Variants in GPC3 observed in about 807,000 individuals in gnomAD.
GPC3 encodes the protein glypican 3, also known as glypican-3.
GPC3 carries 3 observed loss-of-function variants against 34.4 expected under a neutral mutation model. That is an observed-to-expected ratio of 0.09 (90% CI 0.04 to 0.23). GPC3 has a LOEUF of 0.23. Ranked by LOEUF, GPC3 falls within the 10% of genes least tolerant of loss-of-function variation. GPC3 has a pLI of 1.00. For missense variants in GPC3, 351 were observed against 445.6 expected (o/e 0.79, Z 1.91); for synonymous variants, 177 against 174.0 (o/e 1.02, Z -0.13).
At chrX:133,775,499 C>T (rs2071969725) in intron 2 of GPC3, among the ~76,000 whole-genome samples, 1 of 111,813 alleles carries the variant, frequency 8.9e-6, no homozygotes, top group African/African-American at 3.3e-5. Flanking sequence ...ATAGCCTGGC[C>T]ATCTTACTAA....
intron 2 of GPC3, among the ~76,000 whole-genome samples, chrX:133,900,099 G>A (rs945011464): frequency 8.9e-6 from 1 of 111,933 alleles, no homozygotes; most frequent in Admixed American, 9.5e-5. Context: ...CACCGCGCCC[G>A]GCCGGTCTAA....
chrX:133,606,058 T>A (rs1265950757), intron 6 of GPC3, among the ~76,000 whole-genome samples: 17 of 112,308 alleles, frequency 1.5e-4, no homozygotes, highest in Non-Finnish European at 1.9e-5. Flanking sequence ...ATTCTTACTT[T>A]ATGGTTTGTG....
intron 2 of GPC3, among the ~76,000 whole-genome samples, chrX:133,941,210 C>T (rs2076343885): frequency 8.9e-6 from 1 of 112,293 alleles, no homozygotes; most frequent in Non-Finnish European, 1.9e-5. Flanking sequence ...AACACACATA[C>T]TACATCAAAG....
At chrX:133,782,653 T>C (rs1195746719) in intron 2 of GPC3, among the ~76,000 whole-genome samples, 1 of 111,939 alleles carries the variant, frequency 8.9e-6, no homozygotes, top group Non-Finnish European at 1.9e-5. Flanking sequence ...AGCAGTCTCT[T>C]TATATATGGC....
Position 133,699,197 on chromosome X carries a change from T to A in GPC3, c.1166+698A>T, listed in dbSNP as rs192416984. On this transcript the variant is annotated intron_variant, in intron 4 of 7. Transcript: ENST00000370818. ...GCGCCACTGCACTCCCCCCTCAAGG[T>A]CAATAGGAACAACTCATGTCTAGCT... Among the ~76,000 whole-genome samples the A allele has an allele frequency of 1.3e-4, 14 of 111,747 alleles. No homozygotes were observed. In the East Asian group the frequency reaches 2.5e-3, roughly 20 times the overall value.
chrX:133,928,879 C>T (rs2076286231), intron 2 of GPC3, among the ~76,000 whole-genome samples: 1 of 112,003 alleles, frequency 8.9e-6, no homozygotes, highest in South Asian at 3.7e-4. Flanking sequence ...CAACCATTTT[C>T]CCAATCTGTA....
intron 2 of GPC3, among the ~76,000 whole-genome samples, chrX:133,821,588 A>T (rs1466715924): frequency 1.8e-5 from 2 of 111,925 alleles, no homozygotes; most frequent in Non-Finnish European, 3.8e-5. Context: ...TCTACCACTT[A>T]CTAGGTGAGT....
chrX:133,981,408 A>G (rs2076538398), intron 1 of GPC3, among the ~76,000 whole-genome samples: 1 of 111,790 alleles, frequency 8.9e-6, no homozygotes, highest in African/African-American at 3.3e-5. Flanking sequence ...TGCCCCACCA[A>G]TCATCAGCCA....
chrX:133,732,144 G>T (rs1342227323), intron 3 of GPC3, among the ~76,000 whole-genome samples: 1 of 111,398 alleles, frequency 9.0e-6, no homozygotes, highest in Non-Finnish European at 1.9e-5. Context: ...GAAGACTGAT[G>T]TCCTGTACAA....
intron 3 of GPC3, among the ~76,000 whole-genome samples, chrX:133,714,699 GA>G (rs1303132025): frequency 8.9e-6 from 1 of 111,949 alleles, no homozygotes; most frequent in Non-Finnish European, 1.9e-5. Context: ...AAAGCAATGA[GA>G]AAATTGGCAA....
At chrX:133,545,562 G>A (rs370831673) in intron 7 of GPC3, among the ~76,000 whole-genome samples, 2 of 111,177 alleles carry the variant, frequency 1.8e-5, no homozygotes, top group South Asian at 7.8e-4. Context: ...GAGCTAATGT[G>A]GATTCTCTGA....
At chrX:133,686,166 A>C in intron 5 of GPC3, among the ~76,000 whole-genome samples, 1 of 111,811 alleles carries the variant, frequency 8.9e-6, no homozygotes. Flanking sequence ...CTGACTACAA[A>C]CAGAAGGCTG....
chrX:133,965,663 G>A (rs1291048679), intron 1 of GPC3, among the ~76,000 whole-genome samples: 1 of 111,795 alleles, frequency 8.9e-6, no homozygotes, highest in Non-Finnish European at 1.9e-5. Context: ...CCAATTTGAG[G>A]TAATTTGATA....
intron 5 of GPC3, among the ~76,000 whole-genome samples, chrX:133,679,767 G>A (rs947734597): frequency 1.8e-5 from 2 of 110,932 alleles, no homozygotes; most frequent in African/African-American, 3.3e-5. Context: ...CAATCTTCCC[G>A]CCTCACCCTC....
At chrX:133,691,430 C>T (rs1206989906) in intron 5 of GPC3, among the ~76,000 whole-genome samples, 4 of 108,573 alleles carry the variant, frequency 3.7e-5, no homozygotes, top group East Asian at 2.9e-4. Flanking sequence ...TCCTGGGAGG[C>T]GGAGGTTGCA....
At position 133,829,240 on chromosome X, in the gene GPC3, G is replaced by A. The variant is rs748172029; in HGVS notation, c.338-75064C>T. Among the ~76,000 whole-genome samples, 10 of 111,762 alleles carry A rather than the reference G, an allele frequency of 8.9e-5. No homozygotes were observed. In the South Asian group the frequency reaches 1.1e-3, roughly 12 times the overall value. The stretch of plus-strand genomic sequence containing the variant: ...ATTAGAGACAAAAAAATTTTATAAC[G>A]GTAAAGGGTTATTCCATCAAAAAGA... On this transcript the variant is annotated intron_variant, in intron 2 of 7. Coordinates refer to ENST00000370818, the MANE Select transcript of GPC3 (RefSeq NM_004484.4).
At chrX:133,985,177 G>T in intron 1 of GPC3, 98 bp downstream of exon 1, 1 of 963,203 alleles carries the variant, frequency 1.0e-6, no homozygotes. Context: ...CAGGGCGCAC[G>T]ACTACAGCCC....
intron 3 of GPC3, among the ~76,000 whole-genome samples, chrX:133,743,625 T>C (rs2071584994): frequency 8.9e-6 from 1 of 112,152 alleles, no homozygotes; most frequent in African/African-American, 3.2e-5. Context: ...GACTCTGTTT[T>C]GTGTGGCATT....
At chrX:133,920,396 A>C (rs2076243295) in intron 2 of GPC3, among the ~76,000 whole-genome samples, 1 of 111,496 alleles carries the variant, frequency 9.0e-6, no homozygotes, top group African/African-American at 3.3e-5. Flanking sequence ...CAATTATTTT[A>C]CTTTTAGGTC....
Sources: allele counts gnomAD v4.1 joint callset (sites outside exome capture counted in the v4.1 genomes callset), GRCh38; gene constraint gnomAD v4.1.1; transcripts MANE v1.5; gene names NCBI Gene and HGNC (gene_info 2026-07-23, HGNC 2026-07-21).